SGMS1: variants seen among roughly 807,000 people sequenced by gnomAD.
SGMS1 encodes phosphatidylcholine:ceramide cholinephosphotransferase 1.
SGMS1 carries 13 observed loss-of-function variants against 46.2 expected under a neutral mutation model. That is an observed-to-expected ratio of 0.28 (90% confidence interval 0.18 to 0.45). The LOEUF is 0.45. Among genes scored for constraint, SGMS1 ranks in the 20% least tolerant of loss-of-function variants. The probability of loss-of-function intolerance (pLI) is 1.00; values close to 1 mark genes in which losing one functional copy is unlikely to be tolerated. For missense variants in SGMS1, 324 were observed against 519.9 expected (o/e 0.62, Z 3.66); for synonymous variants, 203 against 187.8 (o/e 1.08, Z -0.66).
chr10:50,510,201 G>C (rs188596100), intron 3 of SGMS1, among the ~76,000 whole-genome samples: 106 of 152,254 alleles, frequency 7.0e-4, no homozygotes, highest in African/African-American at 2.5e-3. Context: ...ATGCGTTTGA[G>C]ATTCAGCCAA....
chr10:50,572,710 C>T (rs528018911), intron 2 of SGMS1, among the ~76,000 whole-genome samples: 182 of 152,282 alleles, frequency 1.2e-3, no homozygotes, highest in African/African-American at 4.1e-3. Flanking sequence ...GCTTAGGTTG[C>T]TTGATTTTTT....
intron 2 of SGMS1, among the ~76,000 whole-genome samples, chr10:50,553,596 G>A (rs1214296643): frequency 2.0e-5 from 3 of 151,954 alleles, no homozygotes; most frequent in Admixed American, 2.0e-4. Context: ...TTCTAGCTTG[G>A]GGCATTTAAA....
chr10:50,541,046 A>G (rs1838047390), intron 2 of SGMS1, among the ~76,000 whole-genome samples: 1 of 152,204 alleles, frequency 6.6e-6, no homozygotes, highest in African/African-American at 2.4e-5. Flanking sequence ...CTCTGATTGA[A>G]GTGCTTCAGA....
At position 50,315,764 on chromosome 10, in the gene SGMS1, C is replaced by T. The variant is rs932766314; in HGVS notation, c.742-4349G>A. On this transcript the variant is annotated intron_variant, in intron 8 of 10. Transcript: ENST00000361781. ...ACATAAAAACTTTCAGTGGATACTACAAAGCTGTGACAAGAAAGTCTCATA... is the reference window on the plus strand; with the variant it reads ...ACATAAAAACTTTCAGTGGATACTATAAAGCTGTGACAAGAAAGTCTCATA... Among the ~76,000 whole-genome samples the T allele has an allele frequency of 4.0e-5, 6 of 151,844 alleles. No individual in the cohort carries two copies. The East Asian group carries it at 1.2e-3, about 29-fold the overall frequency.
chr10:50,539,326 A>T (rs1838031984), intron 2 of SGMS1, among the ~76,000 whole-genome samples: 2 of 152,364 alleles, frequency 1.3e-5, no homozygotes, highest in South Asian at 4.1e-4. Context: ...TCTGTGCTCC[A>T]GTTGAATAAG....
chr10:50,318,526 C>T (rs981158427), intron 8 of SGMS1, among the ~76,000 whole-genome samples: 25 of 152,308 alleles, frequency 1.6e-4, no homozygotes, highest in Middle Eastern at 3.4e-3. Flanking sequence ...CAATGCCTAA[C>T]AGTCAGCAAG....
At chr10:50,319,909 C>G (rs988952359) in intron 8 of SGMS1, among the ~76,000 whole-genome samples, 1 of 152,166 alleles carries the variant, frequency 6.6e-6, no homozygotes, top group African/African-American at 2.4e-5. Context: ...ACCTTTCACA[C>G]AAGGGCCTTA....
At chr10:50,624,085 G>A, upstream of SGMS1, 1 of 985,182 alleles carries the variant, frequency 1.0e-6, no homozygotes, top group Non-Finnish European at 1.2e-6. Context: ...GCTCCTCCCG[G>A]GACCGAGCGG....
At position 50,307,321 on chromosome 10, in the gene SGMS1, C is replaced by T; in HGVS notation, c.1063G>A (p.Val355Met). 2 of 1,609,132 alleles carry T rather than the reference C, an allele frequency of 1.2e-6. No homozygotes were observed. Among genetic ancestry groups the T allele is most frequent in the South Asian group, 1.1e-5 (1 of 90,268 alleles). The part of the protein sequence containing the change: ...WWYHTMANQQ[V>M]LKEASQMNLL... Reference sequence around the variant, plus strand: ...TTCATCTGGGAAGCTTCCTTTAGCACCTAGGATAACAAAGAAACATAAACA... The same window carrying T: ...TTCATCTGGGAAGCTTCCTTTAGCATCTAGGATAACAAAGAAACATAAACA... Residue 355 changes from valine (V) to methionine (M), a missense_variant and splice_region_variant, in exon 11 of 11, where the codon GTG (valine) becomes ATG (methionine). Physicochemically the swap from Val to Met is conservative, Grantham distance 21. Transcript: ENST00000361781. This position sits in a 1 kb window ranked among gnomAD's most constrained non-coding sequence, Gnocchi z 4.2.
At chr10:50,588,982 C>T (rs924597400) in intron 2 of SGMS1, among the ~76,000 whole-genome samples, 3 of 152,036 alleles carry the variant, frequency 2.0e-5, no homozygotes, top group Non-Finnish European at 1.5e-5. Context: ...CCACCTGCCT[C>T]GGCCTCCCAA....
chr10:50,355,288 C>G, intron 6 of SGMS1, among the ~76,000 whole-genome samples: 1 of 152,198 alleles, frequency 6.6e-6, no homozygotes. Context: ...CTTCCCTCTT[C>G]CCTCTCCCTC....
At chr10:50,353,352 AAC>A (rs1293718761) in intron 6 of SGMS1, among the ~76,000 whole-genome samples, 1 of 152,300 alleles carries the variant, frequency 6.6e-6, no homozygotes, top group African/African-American at 2.4e-5. Flanking sequence ...TGATTATCTC[AAC>A]AGATGCAGAA....
intron 1 of SGMS1, among the ~76,000 whole-genome samples, chr10:50,600,299 T>C (rs1343642858): frequency 6.6e-6 from 1 of 152,232 alleles, no homozygotes; most frequent in Non-Finnish European, 1.5e-5. Context: ...TGAAGTCTGG[T>C]TATACCACTA....
At position 50,485,268 on chromosome 10, in the gene SGMS1, C is replaced by A. The variant is rs536002395; in HGVS notation, c.-497-18336G>T. The stretch of plus-strand genomic sequence containing the variant: ...ACACCAACAGCAGACAAGCAGAGAG[C>A]CAAATCATGAATGAGCTCTTATTCA... On this transcript the variant is annotated intron_variant, in intron 3 of 10. Coordinates refer to ENST00000361781, the MANE Select transcript of SGMS1 (RefSeq NM_147156.4). Among the ~76,000 whole-genome samples the A allele has an allele frequency of 1.4e-4, 21 of 152,074 alleles. 1 individual carries two copies. The East Asian group carries it at 1.5e-3, about 11-fold the overall frequency.
chr10:50,428,210 C>G (rs925139925), intron 6 of SGMS1, among the ~76,000 whole-genome samples: 1 of 152,150 alleles, frequency 6.6e-6, no homozygotes, highest in Non-Finnish European at 1.5e-5. Context: ...ACTCCATGTC[C>G]TCTTCACTCA....
At position 50,475,372 on chromosome 10, in the gene SGMS1, A is replaced by C. The variant is rs139241047; in HGVS notation, c.-497-8440T>G. Among the ~76,000 whole-genome samples the C allele has an allele frequency of 1.2e-3, 179 of 152,322 alleles. 2 individuals are homozygous for C. Among genetic ancestry groups the C allele is most frequent in the Non-Finnish European group, 1.1e-3 (76 of 68,024 alleles). On this transcript the variant is annotated intron_variant, in intron 3 of 10. Transcript: ENST00000361781. ...GTTAATTCCCTCATTAACTGAACTGAATGAACCTTTGATATACGTTCATTT... is the reference window on the plus strand; with the variant it reads ...GTTAATTCCCTCATTAACTGAACTGCATGAACCTTTGATATACGTTCATTT...
chr10:50,402,784 T>C (rs1021886624), intron 6 of SGMS1, among the ~76,000 whole-genome samples: 3 of 151,922 alleles, frequency 2.0e-5, no homozygotes, highest in African/African-American at 7.3e-5. Flanking sequence ...TGGTTTTTGG[T>C]TAGATGGATG....
intron 6 of SGMS1, among the ~76,000 whole-genome samples, chr10:50,420,199 C>G (rs923955390): frequency 1.9e-4 from 29 of 152,290 alleles, no homozygotes; most frequent in Middle Eastern, 3.4e-3. Flanking sequence ...TCTCATATTC[C>G]TCATAAAGGT....
intron 3 of SGMS1, among the ~76,000 whole-genome samples, chr10:50,512,890 G>C (rs532776359): frequency 6.6e-6 from 1 of 152,312 alleles, no homozygotes; most frequent in South Asian, 2.1e-4. Flanking sequence ...CTATGGAAAG[G>C]AGATGGGGGA....
Sources: allele counts gnomAD v4.1 joint callset (sites outside exome capture counted in the v4.1 genomes callset), GRCh38; gene constraint gnomAD v4.1.1; non-coding constraint Gnocchi (gnomAD v3.1); transcripts MANE v1.5; gene names NCBI Gene and HGNC (gene_info 2026-07-23, HGNC 2026-07-21).